Variants in CARMIL1 observed in about 807,000 individuals in gnomAD.
CARMIL1 encodes capping protein regulator and myosin 1 linker 1, also known as F-actin-uncapping protein LRRC16A.
A neutral mutation model predicts 177.1 loss-of-function variants in CARMIL1; 90 were observed. That is an observed-to-expected ratio of 0.51 (90% CI 0.43 to 0.61). CARMIL1 has a LOEUF of 0.61. Among genes scored for constraint, CARMIL1 ranks in the 20% least tolerant of loss-of-function variants. CARMIL1 has a pLI of 0.00. For synonymous variants in CARMIL1, 577 were observed against 606.2 expected, an observed-to-expected ratio of 0.95 and a Z score of 0.71; for missense variants, 1,380 against 1,667.0, an observed-to-expected ratio of 0.83 and a Z score of 3.00.
intron 5 of CARMIL1, among the ~76,000 whole-genome samples, chr6:25,443,693 G>A (rs1036887718): frequency 2.0e-5 from 3 of 152,244 alleles, no homozygotes; most frequent in Non-Finnish European, 4.4e-5. Flanking sequence ...AGTCACCTGA[G>A]CCTTCAGTGA....
intron 22 of CARMIL1, among the ~76,000 whole-genome samples, chr6:25,518,029 AT>A (rs1376706523): frequency 6.6e-6 from 1 of 152,188 alleles, no homozygotes; most frequent in Non-Finnish European, 1.5e-5. Context: ...CGATCCTCAT[AT>A]TGTATTATAA....
At chr6:25,602,519 C>G (rs769895166) in intron 33 of CARMIL1, among the ~76,000 whole-genome samples, 4 of 151,958 alleles carry the variant, frequency 2.6e-5, no homozygotes, top group African/African-American at 2.4e-5. Flanking sequence ...GTGACAAAAC[C>G]CTTATGGTTT....
chr6:25,403,606 A>G (rs1794080764), intron 2 of CARMIL1, among the ~76,000 whole-genome samples: 1 of 152,202 alleles, frequency 6.6e-6, no homozygotes, highest in South Asian at 2.1e-4. Flanking sequence ...TTCTTGCCTC[A>G]GGGCCTTTGC....
chr6:25,355,884 G>C (rs552015749), intron 2 of CARMIL1, among the ~76,000 whole-genome samples: 39 of 152,048 alleles, frequency 2.6e-4, no homozygotes, highest in Non-Finnish European at 1.6e-4. Flanking sequence ...GAACTTTTCC[G>C]TCTTGTCTGC....
chr6:25,371,005 G>T (rs145636424), intron 2 of CARMIL1, among the ~76,000 whole-genome samples: 6,438 of 152,182 alleles, frequency 0.042, 172 homozygotes, highest in Middle Eastern at 0.065. Context: ...TTATAAGTGA[G>T]AACATACGGT....
chr6:25,468,466 T>C (rs1300389845), intron 9 of CARMIL1, among the ~76,000 whole-genome samples: 3 of 152,252 alleles, frequency 2.0e-5, no homozygotes, highest in Non-Finnish European at 2.9e-5. Context: ...ATAGTGATTC[T>C]AGTTTTTGTT....
intron 23 of CARMIL1, among the ~76,000 whole-genome samples, chr6:25,528,306 TTC>T (rs1235914812): frequency 6.6e-6 from 1 of 152,334 alleles, no homozygotes; most frequent in South Asian, 2.1e-4. Flanking sequence ...TTGCGATTCT[TTC>T]TCTCTCTTTT....
At chr6:25,295,363 C>A (rs949106601) in intron 2 of CARMIL1, among the ~76,000 whole-genome samples, 2 of 152,102 alleles carry the variant, frequency 1.3e-5, no homozygotes, top group Non-Finnish European at 2.9e-5. Context: ...TGTAGTTTAT[C>A]TAACCATGTC....
chr6:25,461,245 T>C (rs1800090476), intron 8 of CARMIL1, among the ~76,000 whole-genome samples: 1 of 152,248 alleles, frequency 6.6e-6, no homozygotes, highest in South Asian at 2.1e-4. Flanking sequence ...AAATTAACTT[T>C]CTGAAACATT....
intron 2 of CARMIL1, among the ~76,000 whole-genome samples, chr6:25,293,575 C>T (rs1056220167): frequency 6.6e-6 from 1 of 151,710 alleles, no homozygotes; most frequent in Non-Finnish European, 1.5e-5. Flanking sequence ...GATGGGGTCT[C>T]ACTTTGTTGC....
chr6:25,569,448 T>C (rs914268192), intron 29 of CARMIL1, among the ~76,000 whole-genome samples: 3 of 152,192 alleles, frequency 2.0e-5, no homozygotes, highest in Non-Finnish European at 4.4e-5. Flanking sequence ...ATAGGAACCA[T>C]GTCTTCTGAT....
intron 29 of CARMIL1, among the ~76,000 whole-genome samples, chr6:25,570,400 G>T (rs1357251396): frequency 6.6e-6 from 1 of 152,130 alleles, no homozygotes; most frequent in East Asian, 1.9e-4. Context: ...CAGTGCCAGA[G>T]AATTCTATTT....
At chr6:25,306,817 G>A (rs1199882608) in intron 2 of CARMIL1, among the ~76,000 whole-genome samples, 1 of 150,790 alleles carries the variant, frequency 6.6e-6, no homozygotes, top group East Asian at 1.9e-4. Context: ...ATACCTAGGA[G>A]TGGAATTACT....
At chr6:25,605,833 G>A (rs1210914642) in intron 34 of CARMIL1, among the ~76,000 whole-genome samples, 1 of 152,198 alleles carries the variant, frequency 6.6e-6, no homozygotes, top group Non-Finnish European at 1.5e-5. Context: ...AGTCAGGGGT[G>A]ATCAGAAAAC....
At chr6:25,309,514 C>G (rs1053960761) in intron 2 of CARMIL1, among the ~76,000 whole-genome samples, 1 of 151,202 alleles carries the variant, frequency 6.6e-6, no homozygotes, top group Non-Finnish European at 1.5e-5. Context: ...GAAACCTCTT[C>G]CCTTTAACAC....
At chr6:25,390,312 ATATATATATT>A (rs1483662162) in intron 2 of CARMIL1, among the ~76,000 whole-genome samples, 203 of 38,824 alleles carry the variant, frequency 5.2e-3, no homozygotes, top group African/African-American at 0.017. Flanking sequence ...ATATATATAT[ATATATATATT>A]TTTTTTTTTT....
chr6:25,598,081 G>C (rs1207947880), intron 32 of CARMIL1, among the ~76,000 whole-genome samples: 1 of 151,976 alleles, frequency 6.6e-6, no homozygotes. Context: ...TGTGCCCTGA[G>C]GTGGGTTTTT....
At chr6:25,428,427 C>T (rs1359980346) in intron 4 of CARMIL1, among the ~76,000 whole-genome samples, 3 of 152,124 alleles carry the variant, frequency 2.0e-5, no homozygotes, top group African/African-American at 7.2e-5. Flanking sequence ...ATTATTGTGG[C>T]TTGTTTACAA....
At position 25,548,370 on chromosome 6, in the gene CARMIL1, G is replaced by T. The variant is rs1224245756; in HGVS notation, c.2329-2540G>T. ...AGCAAGAAAGGCTGATTTTGCTGTT[G>T]TAGTTGTTATTGTTTGAGTGGGGAG... is the stretch of plus-strand genomic sequence containing the variant. On this transcript the variant is annotated intron_variant, in intron 26 of 36. Transcript: ENST00000329474. Among the ~76,000 whole-genome samples, 3 of 152,138 alleles carry T rather than the reference G, an allele frequency of 2.0e-5. No homozygotes were observed. The East Asian group carries it at 5.8e-4, about 29-fold the overall frequency.
Sources: allele counts gnomAD v4.1 joint callset (sites outside exome capture counted in the v4.1 genomes callset), GRCh38; gene constraint gnomAD v4.1.1; transcripts MANE v1.5; gene names NCBI Gene and HGNC (gene_info 2026-07-23, HGNC 2026-07-21).